MGAT5: variants seen among roughly 807,000 people sequenced by gnomAD.
The protein encoded by MGAT5 is alpha-1,6-mannosylglycoprotein 6-beta-N-acetylglucosaminyltransferase.
In MGAT5, 30 loss-of-function variants were observed where a neutral mutation model predicts 94.3. The observed-to-expected ratio is 0.32, with a 90% CI of 0.24 to 0.43. The LOEUF is 0.43. MGAT5 is among the 20% of genes least tolerant of loss of function. The probability of loss-of-function intolerance (pLI) is 1.00; values close to 1 mark genes in which losing one functional copy is unlikely to be tolerated. For missense variants in MGAT5, 691 were observed against 905.5 expected, an observed-to-expected ratio of 0.76 and a Z score of 3.04; for synonymous variants, 310 against 322.9, an observed-to-expected ratio of 0.96 and a Z score of 0.43.
chr2:134,315,316 T>G (rs1453726870), intron 2 of MGAT5, among the ~76,000 whole-genome samples: 1 of 152,202 alleles, frequency 6.6e-6, no homozygotes, highest in Non-Finnish European at 1.5e-5. Context: ...TCTCATAGAC[T>G]GTGCCTAATT....
At position 134,170,256 on chromosome 2, in the gene MGAT5, C is replaced by A. The variant is rs115813203; in HGVS notation, c.-143+49965C>A. The stretch of plus-strand genomic sequence containing the variant: ...CACTTACTAGAGTTACAGCTTTTTC[C>A]GTATCACGATAATCCATTTTCAAAA... On this transcript the variant is annotated intron_variant, in intron 1 of 16. Coordinates refer to the MGAT5 transcript ENST00000409645. Among the ~76,000 whole-genome samples, 358 of 152,292 alleles carry A rather than the reference C, an allele frequency of 2.4e-3. 4 individuals are homozygous for A. The highest frequency in any genetic ancestry group is 8.2e-3 in the African/African-American group (341 of 41,538).
At chr2:134,347,527 C>T (rs1386709956) in intron 8 of MGAT5, among the ~76,000 whole-genome samples, 4 of 152,130 alleles carry the variant, frequency 2.6e-5, no homozygotes, top group East Asian at 1.9e-4. Flanking sequence ...AAGAGTATAT[C>T]GTTAGCATTT....
intron 2 of MGAT5, among the ~76,000 whole-genome samples, chr2:134,311,445 G>A (rs913381016): frequency 6.6e-6 from 1 of 152,112 alleles, no homozygotes; most frequent in Admixed American, 6.5e-5. Flanking sequence ...ATGGAAAAGT[G>A]AGCCTTAATA....
chr2:134,293,717 G>T (rs753152427), intron 2 of MGAT5, among the ~76,000 whole-genome samples: 2 of 152,160 alleles, frequency 1.3e-5, no homozygotes, highest in Non-Finnish European at 2.9e-5. Flanking sequence ...CGATCTACCT[G>T]TCTCGGCCTC....
intron 10 of MGAT5, among the ~76,000 whole-genome samples, chr2:134,377,488 G>A (rs1228273878): frequency 6.6e-6 from 1 of 152,222 alleles, no homozygotes; most frequent in Non-Finnish European, 1.5e-5. Context: ...TGGGCCAATT[G>A]AGATTGGCTT....
chr2:134,424,088 C>A (rs1202387504), intron 13 of MGAT5, among the ~76,000 whole-genome samples: 1 of 152,120 alleles, frequency 6.6e-6, no homozygotes. Context: ...GAGAATGCAG[C>A]CTTTTAGTTA....
chr2:134,295,220 A>AGAACAGT (rs1685604080), intron 2 of MGAT5, among the ~76,000 whole-genome samples: 1 of 151,212 alleles, frequency 6.6e-6, no homozygotes, highest in African/African-American at 2.4e-5. Context: ...ATGCCAGAAA[A>AGAACAGT]GAACAATGAG....
At chr2:134,160,150 C>T (rs891458443) in intron 1 of MGAT5, among the ~76,000 whole-genome samples, 15 of 151,930 alleles carry the variant, frequency 9.9e-5, no homozygotes, top group East Asian at 3.9e-4. Context: ...AGTGGTAATA[C>T]GGTTTCCACT....
At position 134,338,249 on chromosome 2, in the gene MGAT5, C is replaced by G. The variant is rs761075040; in HGVS notation, c.646-10C>G. On this transcript the variant is annotated splice_polypyrimidine_tract_variant and intron_variant, in intron 5 of 15. Transcript: ENST00000281923. ...ATCTTCTATTCATTTTATTAAATTT[C>G]TGTTGCTAGGCGGAAATTCGTACAG... is the stretch of plus-strand genomic sequence containing the variant. 6.4e-7 allele frequency: 1 copy of G among 1,570,018 alleles called. No homozygotes were observed.
intron 1 of MGAT5, among the ~76,000 whole-genome samples, chr2:134,164,607 C>T (rs1257309685): frequency 1.3e-5 from 2 of 152,078 alleles, no homozygotes; most frequent in African/African-American, 4.8e-5. Context: ...CTTAGTGCCT[C>T]TCATTTCTGA....
chr2:134,386,474 C>T (rs778220058), intron 10 of MGAT5, among the ~76,000 whole-genome samples: 15 of 152,142 alleles, frequency 9.9e-5, no homozygotes, highest in African/African-American at 2.9e-4. Context: ...AAGTAAATCG[C>T]ACTGCTTTAG....
intron 1 of MGAT5, among the ~76,000 whole-genome samples, chr2:134,214,514 G>A (rs140926723): frequency 1.8e-4 from 28 of 152,068 alleles, no homozygotes; most frequent in Middle Eastern, 6.8e-3. Context: ...GTTTTGGGCC[G>A]CATTCAAAGC....
intron 2 of MGAT5, among the ~76,000 whole-genome samples, chr2:134,316,583 G>A (rs77863845): frequency 0.029 from 4,401 of 151,738 alleles, 79 homozygotes; most frequent in Non-Finnish European, 0.045. Context: ...TTTTTAAATC[G>A]ACATAATTAC....
At chr2:134,338,231 A>T in intron 5 of MGAT5, 28 bp from the exon 6 acceptor site, 1 of 1,549,432 alleles carries the variant, frequency 6.5e-7, no homozygotes, top group Admixed American at 1.9e-5. Flanking sequence ...TTTATCTTCT[A>T]TTCATTTTAT....
intron 12 of MGAT5, among the ~76,000 whole-genome samples, chr2:134,417,046 G>A (rs1684018345): frequency 6.6e-6 from 1 of 151,580 alleles, no homozygotes; most frequent in African/African-American, 2.4e-5. Context: ...GGATAAATGG[G>A]CAAAAGGTTG....
rs1391058667 is a variant in MGAT5, at chr2:134,239,930, A to T, written c.-142-14332A>T. On this transcript the variant is annotated intron_variant, in intron 1 of 16. Transcript: ENST00000409645. Reference sequence around the variant, plus strand: ...AGTCCACTTTACTTCCTGGAAGTGGATGGTGAGCTTTTCTTGCCAGCCTTC... The same window carrying T: ...AGTCCACTTTACTTCCTGGAAGTGGTTGGTGAGCTTTTCTTGCCAGCCTTC... 4.9e-4 allele frequency among the ~76,000 whole-genome samples: 74 copies of T among 152,110 alleles called. 1 individual carries two copies. The highest frequency in any genetic ancestry group is 2.9e-5 in the Non-Finnish European group (2 of 68,020).
intron 1 of MGAT5, among the ~76,000 whole-genome samples, chr2:134,207,709 G>C (rs1349342848): frequency 6.6e-6 from 1 of 152,142 alleles, no homozygotes; most frequent in African/African-American, 2.4e-5. Context: ...CAGGGGTCTT[G>C]TGCAGAGGTG....
rs1684375030 is a variant in MGAT5 at position 134,422,824 on chromosome 2, G to A, written c.1699G>A (p.Ala567Thr). 7 of 1,613,664 alleles carry A rather than the reference G, an allele frequency of 4.3e-6. No individual in the cohort carries two copies. Among genetic ancestry groups the A allele is most frequent in the Non-Finnish European group, 4.2e-6 (5 of 1,179,766 alleles). ...LRELTSQHPY[A>T]EVFIGRPHVW... ...CCAGCTGACATCCCAGCATCCTTAC[G>A]CTGAAGTTTTCATCGGGCGGCCACA... The change falls in exon 13 of 16, where the codon GCT becomes ACT. Residue 567 changes from alanine to threonine, a missense_variant. Ala to Thr is a moderately conservative substitution (Grantham distance 58). Around this residue, in one of 4 missense-constraint regions of MGAT5, gnomAD observed 260 missense variants for 347.0 expected, o/e 0.75. Transcript: ENST00000281923.
chr2:134,375,372 A>C (rs1293725722), intron 10 of MGAT5, among the ~76,000 whole-genome samples: 1 of 152,192 alleles, frequency 6.6e-6, no homozygotes, highest in Non-Finnish European at 1.5e-5. Context: ...GCCTAAATAA[A>C]TACATTTATG....
Sources: gnomAD v4.1 joint callset for allele counts (sites outside exome capture counted in the v4.1 genomes callset) on GRCh38, gnomAD v4.1.1 for gene constraint, gnomAD v4.1.1 regional missense constraint, MANE v1.5 for transcripts, NCBI Gene and HGNC (gene_info 2026-07-23, HGNC 2026-07-21) for gene names.